The following NAV2 variants were observed in gnomAD, a reference collection of about 807,000 sequenced individuals.
NAV2 encodes helicase, APC down-regulated 1.
A neutral mutation model predicts 223.2 loss-of-function variants in NAV2; 54 were observed. The ratio of observed to expected loss-of-function variants is 0.24; its 90% CI spans 0.19 to 0.30. The LOEUF is 0.30. Among genes scored for constraint, NAV2 ranks in the 10% least tolerant of loss-of-function variants. The pLI is 1.00. For synonymous variants in NAV2, 1,279 were observed against 1,239.3 expected (o/e 1.03, Z -0.67); for missense variants, 2,806 against 3,147.5 (o/e 0.89, Z 2.60).
intron 3 of NAV2, among the ~76,000 whole-genome samples, chr11:19,860,691 GGAT>G (rs2061710792): frequency 6.6e-6 from 1 of 152,022 alleles, no homozygotes; most frequent in Non-Finnish European, 1.5e-5. Flanking sequence ...GCTGGGAGGT[GGAT>G]GTTGTAGCGA....
At chr11:19,348,069 G>A (rs916819150), upstream of NAV2, among the ~76,000 whole-genome samples, 11 of 152,354 alleles carry the variant, frequency 7.2e-5, no homozygotes, top group Non-Finnish European at 8.8e-5. Context: ...CACAGGAGGT[G>A]TTGAACATCC....
chr11:19,562,066 T>A (rs1320145649), intron 1 of NAV2, among the ~76,000 whole-genome samples: 1 of 152,194 alleles, frequency 6.6e-6, no homozygotes, highest in East Asian at 1.9e-4. Context: ...CCACACTGCA[T>A]TCATTTAATC....
rs1469183560 is a variant in NAV2, at chr11:20,049,067, C to T, written c.4242C>T (p.Ile1414=). 4 of 1,613,958 alleles carry T rather than the reference C, an allele frequency of 2.5e-6. No homozygotes were observed. The highest frequency in any genetic ancestry group is 2.2e-5 in the East Asian group (1 of 44,862). Residue 1414 remains isoleucine, a synonymous_variant, in exon 15 of 38, where the codon ATC becomes ATT. Coordinates refer to ENST00000349880, the MANE Select transcript of NAV2 (RefSeq NM_145117.5). The stretch of plus-strand genomic sequence containing the variant: ...GCCTCCACACCAGCTGTGAGTCCAT[C>T]GACATCTCCCTCAGCAGTGGAGGGG... ...VSSLHTSCES[I]DISLSSGGVP...
At chr11:20,066,865 G>A (rs1223607565) in intron 20 of NAV2, among the ~76,000 whole-genome samples, 1 of 152,146 alleles carries the variant, frequency 6.6e-6, no homozygotes, top group Non-Finnish European at 1.5e-5. Context: ...TTCCCTCCCT[G>A]GGTACAGCGA....
chr11:19,914,631 G>A (rs59719166), intron 6 of NAV2, among the ~76,000 whole-genome samples: 215 of 150,650 alleles, frequency 1.4e-3, no homozygotes, highest in African/African-American at 4.8e-3. Context: ...TGCAAGCTCC[G>A]CTTCCCGGGT....
At chr11:19,578,150 C>A (rs112192254) in intron 1 of NAV2, among the ~76,000 whole-genome samples, 306 of 152,338 alleles carry the variant, frequency 2.0e-3, no homozygotes, top group African/African-American at 7.1e-3. Context: ...GTAAGAGAAG[C>A]AAATAGCAGT....
chr11:19,924,978 G>A (rs2044607932), intron 6 of NAV2, among the ~76,000 whole-genome samples: 2 of 152,124 alleles, frequency 1.3e-5, no homozygotes, highest in African/African-American at 4.8e-5. Context: ...TTAAATAGTA[G>A]GCATTCCAAT....
At chr11:19,736,163 T>C (rs2052280638) in intron 1 of NAV2, among the ~76,000 whole-genome samples, 1 of 152,246 alleles carries the variant, frequency 6.6e-6, no homozygotes, top group South Asian at 2.1e-4. Context: ...CTATAGCAAC[T>C]AGCTCCAGAC....
At chr11:19,389,769 A>G (rs1186462738) in intron 1 of NAV2, among the ~76,000 whole-genome samples, 2 of 152,146 alleles carry the variant, frequency 1.3e-5, no homozygotes, top group Non-Finnish European at 2.9e-5. Flanking sequence ...CAGACATCTC[A>G]TGTGTGTTCC....
At chr11:19,455,765 T>C (rs977580277) in intron 1 of NAV2, among the ~76,000 whole-genome samples, 4 of 152,238 alleles carry the variant, frequency 2.6e-5, no homozygotes, top group Admixed American at 2.6e-4. Flanking sequence ...CATTTACCTC[T>C]GTGCTATTTA....
chr11:19,415,579 C>T (rs1382963272), intron 1 of NAV2, among the ~76,000 whole-genome samples: 1 of 152,184 alleles, frequency 6.6e-6, no homozygotes, highest in Non-Finnish European at 1.5e-5. Flanking sequence ...AGGGAATCCT[C>T]CCTAACTCTT....
intron 1 of NAV2, among the ~76,000 whole-genome samples, chr11:19,715,250 T>A (rs939352710): frequency 6.6e-6 from 1 of 152,108 alleles, no homozygotes; most frequent in Admixed American, 6.5e-5. Context: ...TTGCTAAACA[T>A]TTTTGGAAGC....
At chr11:19,466,723 C>A (rs982299257) in intron 1 of NAV2, among the ~76,000 whole-genome samples, 1 of 152,160 alleles carries the variant, frequency 6.6e-6, no homozygotes, top group African/African-American at 2.4e-5. Context: ...TGGACACATG[C>A]AAGGAGCGGC....
chr11:19,525,868 G>C, intron 1 of NAV2, among the ~76,000 whole-genome samples: 1 of 152,064 alleles, frequency 6.6e-6, no homozygotes, highest in African/African-American at 2.4e-5. Context: ...CTGATGACCT[G>C]CTGAGATTGG....
intron 1 of NAV2, among the ~76,000 whole-genome samples, chr11:19,542,118 T>C (rs912439531): frequency 2.0e-5 from 3 of 152,108 alleles, no homozygotes; most frequent in Non-Finnish European, 4.4e-5. Flanking sequence ...TAACAGATGG[T>C]CTTTTAGCCT....
chr11:19,977,032 T>C (rs1353810857), intron 10 of NAV2, among the ~76,000 whole-genome samples: 2 of 152,026 alleles, frequency 1.3e-5, no homozygotes, highest in African/African-American at 4.8e-5. Flanking sequence ...TGGAGGACAG[T>C]AGGAAATCGC....
At chr11:19,375,824 C>A (rs947774118) in intron 1 of NAV2, among the ~76,000 whole-genome samples, 1 of 152,064 alleles carries the variant, frequency 6.6e-6, no homozygotes, top group Non-Finnish European at 1.5e-5. Context: ...CTTCTGGTGG[C>A]GATGGTGGGG....
intron 1 of NAV2, among the ~76,000 whole-genome samples, chr11:19,762,674 C>A (rs1166147789): frequency 7.0e-6 from 1 of 143,324 alleles, no homozygotes; most frequent in Non-Finnish European, 1.5e-5. Flanking sequence ...AGGACAGTGG[C>A]ATGATCTTGG....
intron 12 of NAV2, among the ~76,000 whole-genome samples, chr11:20,043,609 T>C (rs1276642135): frequency 6.6e-6 from 1 of 152,008 alleles, no homozygotes; most frequent in African/African-American, 2.4e-5. Flanking sequence ...ACTCAGCTAA[T>C]TTTTCTATTT....
Sources: gnomAD v4.1 joint callset for allele counts (sites outside exome capture counted in the v4.1 genomes callset) on GRCh38, gnomAD v4.1.1 for gene constraint, MANE v1.5 for transcripts, NCBI Gene and HGNC (gene_info 2026-07-23, HGNC 2026-07-21) for gene names.